The following WBP2NL variants were observed in gnomAD, a reference collection of about 807,000 sequenced individuals.
The protein encoded by WBP2NL is WBP2 N-terminal like, also known as postacrosomal sheath WW domain-binding protein.
In WBP2NL, 27 loss-of-function variants were observed where a neutral mutation model predicts 23.3. The observed-to-expected ratio is 1.16, with a 90% CI of 0.85 to 1.60. The LOEUF is 1.60. WBP2NL is among the 40% of genes most tolerant of loss of function. WBP2NL has a pLI of 0.00. For synonymous variants in WBP2NL, 151 were observed against 145.9 expected, an observed-to-expected ratio of 1.03 and a Z score of -0.25; for missense variants, 370 against 389.5, an observed-to-expected ratio of 0.95 and a Z score of 0.42.
chr22:42,007,727 A>T (rs1361013083), intron 1 of WBP2NL, among the ~76,000 whole-genome samples: 1 of 152,236 alleles, frequency 6.6e-6, no homozygotes, highest in Non-Finnish European at 1.5e-5. Context: ...AGCATGTGAC[A>T]GGATTTCCTT....
At chr22:42,047,621 A>ATTT (rs570138140) in intron 8 of WBP2NL, among the ~76,000 whole-genome samples, 15 of 133,056 alleles carry the variant, frequency 1.1e-4, no homozygotes, top group Admixed American at 3.1e-4. Flanking sequence ...AACCAATCAA[A>ATTT]TTTTTTTTTT....
chr22:42,031,165 G>A (rs1376417992), downstream of WBP2NL: 1 of 152,220 alleles, frequency 6.6e-6, no homozygotes, highest in African/African-American at 2.4e-5. Context: ...GGACCCACGT[G>A]GTGCTGCGTG....
At chr22:42,057,533 G>A (rs1464505138) in intron 8 of WBP2NL, among the ~76,000 whole-genome samples, 2 of 145,864 alleles carry the variant, frequency 1.4e-5, no homozygotes, top group African/African-American at 4.9e-5. Flanking sequence ...ATAGCTTGCT[G>A]TTTCTACTAG....
At chr22:42,051,367 C>A (rs975914252) in intron 8 of WBP2NL, among the ~76,000 whole-genome samples, 17 of 152,030 alleles carry the variant, frequency 1.1e-4, no homozygotes, top group African/African-American at 2.4e-5. Flanking sequence ...AGGGATGAAC[C>A]AGGTGGAACA....
At chr22:42,003,609 AAAAG>A (rs1921923599) in intron 1 of WBP2NL, 1 of 152,244 alleles carries the variant, frequency 6.6e-6, no homozygotes, top group Non-Finnish European at 1.5e-5. Flanking sequence ...GTTATTAAAA[AAAAG>A]AAACTAAAAA....
chr22:42,054,423 T>G (rs953509132), intron 8 of WBP2NL, among the ~76,000 whole-genome samples: 1 of 151,662 alleles, frequency 6.6e-6, no homozygotes, highest in Admixed American at 6.6e-5. Flanking sequence ...ACTCCTGACC[T>G]CAGGTGATCC....
chr22:42,050,785 A>G (rs879824971), intron 8 of WBP2NL, among the ~76,000 whole-genome samples: 5 of 151,900 alleles, frequency 3.3e-5, no homozygotes, highest in Non-Finnish European at 7.3e-5. Context: ...AGGAATTGCA[A>G]ATTAAAACAG....
chr22:42,042,190 C>T (rs12168640), intron 8 of WBP2NL, among the ~76,000 whole-genome samples: 3,399 of 152,230 alleles, frequency 0.022, 129 homozygotes, highest in African/African-American at 0.078. Context: ...TCAGTCTGGA[C>T]GTCTATTTCT....
At chr22:42,054,210 CAG>C (rs1411709723) in intron 8 of WBP2NL, among the ~76,000 whole-genome samples, 1 of 151,752 alleles carries the variant, frequency 6.6e-6, no homozygotes, top group African/African-American at 2.4e-5. Flanking sequence ...TTTTTTGAGA[CAG>C]AGTCTCACAC....
At chr22:42,008,732 T>C (rs1230929929) in intron 1 of WBP2NL, among the ~76,000 whole-genome samples, 1 of 152,028 alleles carries the variant, frequency 6.6e-6, no homozygotes, top group Non-Finnish European at 1.5e-5. Context: ...CTCAGCCTCC[T>C]GAGTAGCTGG....
downstream of WBP2NL, chr22:42,031,704 T>G (rs1485211096): frequency 6.6e-6 from 1 of 151,944 alleles, no homozygotes; most frequent in East Asian, 1.9e-4. Flanking sequence ...TTTTTGTTTT[T>G]TTTTTTTTCA....
chr22:42,035,370 C>T (rs908955142), downstream of WBP2NL, among the ~76,000 whole-genome samples: 1 of 152,238 alleles, frequency 6.6e-6, no homozygotes, highest in Non-Finnish European at 1.5e-5. Flanking sequence ...CTCCCACCTG[C>T]CCCTCTGGGC....
In WBP2NL at chr22:42,020,011, G is replaced by A; in HGVS notation, c.321G>A (p.Trp107Ter). Residue 107 changes from tryptophan to a stop codon, truncating the protein, a stop_gained, in exon 4 of 6, where the codon TGG (tryptophan) becomes TGA (stop). Transcript: ENST00000328823. LOFTEE classifies it high-confidence loss of function. The stretch of plus-strand genomic sequence containing the variant: ...TGCCATTTCTTCCCCCAGGTGGCTG[G>A]GAAGGACAAGCTACTTTTAAATTAG... ...GTIQAAPYGGWEGQATFKLVF... is the reference protein window; with the variant it reads ...GTIQAAPYGG 1 of 1,613,714 alleles carries A rather than the reference G, an allele frequency of 6.2e-7. No individual in the cohort carries two copies. Among genetic ancestry groups the A allele is most frequent in the Non-Finnish European group, 8.5e-7 (1 of 1,179,902 alleles).
intron 1 of WBP2NL, among the ~76,000 whole-genome samples, chr22:42,009,436 T>C (rs1462559355): frequency 6.6e-6 from 1 of 152,232 alleles, no homozygotes; most frequent in African/African-American, 2.4e-5. Context: ...AGGAGTTTTA[T>C]AGTTTTGGGT....
rs1369299370 is a variant in WBP2NL, at chr22:42,003,054, G to C, written c.62+4174G>C. The C allele has an allele frequency of 2.0e-5, 3 of 152,304 alleles. No homozygotes were observed. The Admixed American group carries it at 2.0e-4, about 10-fold the overall frequency. The allele number at this position is 152,304 out of a possible 1,614,324, so 9.4% of individuals were successfully genotyped here. On this transcript the variant is annotated intron_variant, in intron 1 of 5. Coordinates refer to ENST00000328823, the MANE Select transcript of WBP2NL (RefSeq NM_152613.3). ...TGCCTGTAATCCCAGCTGCTTGGGA[G>C]ACTGAGGCAGGAGAATCGCTTGAAC...
rs145902078 is a variant in WBP2NL, at chr22:42,001,801, C to A, written c.62+2921C>A. The A allele has an allele frequency of 1.1e-4, 137 of 1,239,840 alleles. No individual in the cohort carries two copies. In the African/African-American group the frequency reaches 1.7e-3, roughly 15 times the overall value. 76.8% of individuals were successfully genotyped at this position (1,239,840 alleles called of 1,614,324 possible). ...TCCTTGGGAATACAGACCATGCAGT[C>A]TCTAATGCCCTTGTATTGCTTATCT... On this transcript the variant is annotated intron_variant, in intron 1 of 5. Coordinates refer to ENST00000328823, the MANE Select transcript of WBP2NL (RefSeq NM_152613.3).
intron 8 of WBP2NL, among the ~76,000 whole-genome samples, chr22:42,052,949 T>G (rs551609051): frequency 2.6e-5 from 4 of 152,248 alleles, no homozygotes; most frequent in Non-Finnish European, 5.9e-5. Flanking sequence ...CCAGAACATC[T>G]TCATTACCTA....
chr22:42,023,189 GTTT>G (rs133343), intron 5 of WBP2NL, among the ~76,000 whole-genome samples: 27 of 150,042 alleles, frequency 1.8e-4, no homozygotes, highest in Admixed American at 9.3e-4. Flanking sequence ...AAAAAGTGGT[GTTT>G]TTTTTTTTTG....
At chr22:42,000,863 A>G (rs1008456750) in intron 1 of WBP2NL, among the ~76,000 whole-genome samples, 4 of 152,062 alleles carry the variant, frequency 2.6e-5, no homozygotes, top group Non-Finnish European at 5.9e-5. Context: ...TGAACCCAAA[A>G]GGTGAATCAC....
Sources: gnomAD v4.1 joint callset for allele counts (sites outside exome capture counted in the v4.1 genomes callset) on GRCh38, gnomAD v4.1.1 for gene constraint, MANE v1.5 for transcripts, NCBI Gene and HGNC (gene_info 2026-07-23, HGNC 2026-07-21) for gene names.